LRRTM4: variants seen among roughly 807,000 people sequenced by gnomAD.
LRRTM4 encodes the protein leucine rich repeat transmembrane neuronal 4, also known as leucine-rich repeat transmembrane neuronal protein 4.
A neutral mutation model predicts 47.6 loss-of-function variants in LRRTM4; 25 were observed. The observed-to-expected ratio is 0.53, with a 90% confidence interval of 0.38 to 0.73. LRRTM4 has a LOEUF of 0.73. Among genes scored for constraint, LRRTM4 ranks in the 30% least tolerant of loss-of-function variants. LRRTM4 has a pLI of 0.00. For synonymous variants in LRRTM4, 311 were observed against 269.5 expected (o/e 1.15, Z -1.51); for missense variants, 638 against 713.4 (o/e 0.89, Z 1.20).
At chr2:77,316,486 G>C (rs1264018713) in intron 3 of LRRTM4, among the ~76,000 whole-genome samples, 1 of 151,736 alleles carries the variant, frequency 6.6e-6, no homozygotes, top group Non-Finnish European at 1.5e-5. Context: ...GAGCTGGCCA[G>C]TGTTTGGCAA....
intron 3 of LRRTM4, among the ~76,000 whole-genome samples, chr2:77,234,720 G>A (rs1027660904): frequency 7.2e-5 from 11 of 152,050 alleles, no homozygotes; most frequent in Non-Finnish European, 1.3e-4. Flanking sequence ...ATCTCTGGTG[G>A]ATGGGACTTG....
chr2:76,856,282 A>AAGAG, intron 3 of LRRTM4, among the ~76,000 whole-genome samples: 1 of 151,928 alleles, frequency 6.6e-6, no homozygotes. Flanking sequence ...GTCTCAGAAA[A>AAGAG]AGAGAGAGAG....
intron 3 of LRRTM4, among the ~76,000 whole-genome samples, chr2:76,916,383 T>TAAAAAAA: frequency 4.3e-5 from 1 of 23,380 alleles, no homozygotes; most frequent in Non-Finnish European, 6.3e-5. Flanking sequence ...AGACTGTGTC[T>TAAAAAAA]CAAAAAAAAA....
At chr2:77,048,400 T>A (rs890530131) in intron 3 of LRRTM4, among the ~76,000 whole-genome samples, 2 of 152,054 alleles carry the variant, frequency 1.3e-5, no homozygotes, top group African/African-American at 4.8e-5. Context: ...TGAACTGCCA[T>A]CATAGATCAA....
At chr2:77,423,999 T>C (rs1401530141) in intron 3 of LRRTM4, among the ~76,000 whole-genome samples, 2 of 152,170 alleles carry the variant, frequency 1.3e-5, no homozygotes, top group Non-Finnish European at 2.9e-5. Flanking sequence ...TTTTTTATCT[T>C]TATTAATTTT....
In LRRTM4 at chr2:77,217,468, T is replaced by TATATATATATATATATATATATATAC. The variant is rs1338917871; in HGVS notation, c.1551+300849_1551+300850insGTATATATATATATATATATATATAT. Among the ~76,000 whole-genome samples the TATATATATATATATATATATATATAC allele has an allele frequency of 1.5e-4, 20 of 134,246 alleles. 1 individual carries two copies. The highest frequency in any genetic ancestry group is 2.3e-4 in the African/African-American group (8 of 34,472). 88.1% of individuals were successfully genotyped at this position (134,246 alleles called of 152,430 possible). On this transcript the variant is annotated intron_variant, in intron 3 of 3. Transcript: ENST00000409884. Reference sequence around the variant, plus strand: ...ATATATATATATATATATATATATATACTAAGCCTTTAATTTAAAAAGATA... The same window carrying TATATATATATATATATATATATATAC: ...ATATATATATATATATATATATATATATATATATATATATATATATATATACACTAAGCCTTTAATTTAAAAAGATA...
intron 3 of LRRTM4, among the ~76,000 whole-genome samples, chr2:77,079,446 T>C (rs764346976): frequency 7.9e-5 from 12 of 152,186 alleles, no homozygotes; most frequent in African/African-American, 2.2e-4. Flanking sequence ...AGAAACCTTA[T>C]ACAAGCTTGT....
rs758948325 is a variant in LRRTM4, at chr2:77,005,555, CAT to C, written c.1552-256641_1552-256640del. Among the ~76,000 whole-genome samples the C allele has an allele frequency of 1.8e-4, 27 of 152,128 alleles. 1 individual carries two copies. The highest frequency in any genetic ancestry group is 3.1e-4 in the Non-Finnish European group (21 of 68,032). ...TCACCTTGAATTGTAATAATCCCCACATGTCATGGAAGGGACCCAGTGGGAGG... is the reference window on the plus strand; with the variant it reads ...TCACCTTGAATTGTAATAATCCCCACGTCATGGAAGGGACCCAGTGGGAGG... On this transcript the variant is annotated intron_variant, in intron 3 of 3. Transcript: ENST00000409884.
At chr2:77,520,045 CT>C in intron 2 of LRRTM4, among the ~76,000 whole-genome samples, 181 bp from the exon 3 acceptor site, 2 of 152,194 alleles carry the variant, frequency 1.3e-5, no homozygotes, top group Admixed American at 1.3e-4. Context: ...TTAGGTTTCA[CT>C]TTTTCTTCCT....
intron 3 of LRRTM4, among the ~76,000 whole-genome samples, chr2:76,849,177 T>G (rs1476683043): frequency 6.6e-6 from 1 of 152,004 alleles, no homozygotes; most frequent in African/African-American, 2.4e-5. Flanking sequence ...TTGAGAGTAA[T>G]GTGGGGGGTG....
chr2:77,312,612 TC>T (rs1677488032), intron 3 of LRRTM4, among the ~76,000 whole-genome samples: 1 of 152,232 alleles, frequency 6.6e-6, no homozygotes, highest in East Asian at 1.9e-4. Context: ...CGTATTTGGT[TC>T]TTAAAGCACA....
At chr2:77,206,650 A>G (rs1044388674) in intron 3 of LRRTM4, among the ~76,000 whole-genome samples, 1 of 151,724 alleles carries the variant, frequency 6.6e-6, no homozygotes, top group African/African-American at 2.4e-5. Context: ...TGCCCAGCTA[A>G]TTTTTGCATT....
chr2:77,161,643 T>C (rs1418338899), intron 3 of LRRTM4, among the ~76,000 whole-genome samples: 2 of 152,076 alleles, frequency 1.3e-5, no homozygotes, highest in African/African-American at 4.8e-5. Flanking sequence ...TTCCAATATA[T>C]TGGAAAAACA....
intron 3 of LRRTM4, among the ~76,000 whole-genome samples, chr2:76,970,897 G>T (rs1664016175): frequency 6.6e-6 from 1 of 151,958 alleles, no homozygotes; most frequent in African/African-American, 2.4e-5. Flanking sequence ...ACAGTGTGGA[G>T]TTACAATTGA....
At chr2:77,349,628 C>G (rs1671687348) in intron 3 of LRRTM4, among the ~76,000 whole-genome samples, 1 of 151,620 alleles carries the variant, frequency 6.6e-6, no homozygotes, top group African/African-American at 2.4e-5. Flanking sequence ...AATATTTTTG[C>G]TATAGAACAA....
At chr2:77,022,963 C>G (rs1678327266) in intron 3 of LRRTM4, among the ~76,000 whole-genome samples, 1 of 152,248 alleles carries the variant, frequency 6.6e-6, no homozygotes, top group South Asian at 2.1e-4. Context: ...CCACATTTCC[C>G]TTCTGCACTG....
chr2:77,000,578 A>G (rs1677383677), intron 3 of LRRTM4, among the ~76,000 whole-genome samples: 3 of 152,182 alleles, frequency 2.0e-5, no homozygotes, highest in Admixed American at 2.0e-4. Context: ...CCATTGGTAG[A>G]AGAGGATGCC....
chr2:76,897,624 T>C (rs918198927), intron 3 of LRRTM4, among the ~76,000 whole-genome samples: 1 of 152,168 alleles, frequency 6.6e-6, no homozygotes, highest in African/African-American at 2.4e-5. Context: ...TTATAGCTGT[T>C]GTCATGCCTA....
intron 3 of LRRTM4, among the ~76,000 whole-genome samples, chr2:77,206,943 C>T (rs191570496): frequency 2.0e-5 from 3 of 151,998 alleles, no homozygotes; most frequent in Non-Finnish European, 4.4e-5. Flanking sequence ...TACCAAACTT[C>T]AGAAAAATCT....
Sources: gnomAD v4.1 joint callset for allele counts (sites outside exome capture counted in the v4.1 genomes callset) on GRCh38, gnomAD v4.1.1 for gene constraint, MANE v1.5 for transcripts, NCBI Gene and HGNC (gene_info 2026-07-23, HGNC 2026-07-21) for gene names.